EBF1: variants seen among roughly 807,000 people sequenced by gnomAD.
The protein encoded by EBF1 is transcription factor COE1.
A neutral mutation model predicts 68.4 loss-of-function variants in EBF1; 10 were observed. The observed-to-expected ratio is 0.15, with a 90% confidence interval of 0.09 to 0.25. The LOEUF is 0.25. Ranked by LOEUF, EBF1 falls within the 10% of genes least tolerant of loss-of-function variation. The pLI, the probability that EBF1 is intolerant of heterozygous loss-of-function variation, is 1.00. For missense variants in EBF1, 509 were observed against 794.4 expected (o/e 0.64, Z 4.32); for synonymous variants, 298 against 299.8 (o/e 0.99, Z 0.06).
At chr5:158,924,574 C>T (rs953811616) in intron 6 of EBF1, among the ~76,000 whole-genome samples, 1 of 152,164 alleles carries the variant, frequency 6.6e-6, no homozygotes. Context: ...TAAACTGGGC[C>T]GGGTGCGGTG....
intron 6 of EBF1, among the ~76,000 whole-genome samples, chr5:158,854,749 C>T (rs534609889): frequency 6.6e-6 from 1 of 152,314 alleles, no homozygotes; most frequent in South Asian, 2.1e-4. Flanking sequence ...AAGACGCCAT[C>T]AAACCCAGCA....
Position 158,861,856 on chromosome 5 carries a change from T to A in EBF1, c.555-21746A>T, listed in dbSNP as rs551320795. Among the ~76,000 whole-genome samples, 7 of 148,112 alleles carry A rather than the reference T, an allele frequency of 4.7e-5. No individual in the cohort carries two copies. In the South Asian group the frequency reaches 6.4e-4, roughly 14 times the overall value. ...TTGATTTATTGTAAAAAAAAAAAAA[T>A]GTTTAAAATCCAAAATTCATAGATA... On this transcript the variant is annotated intron_variant, in intron 6 of 15. Coordinates refer to ENST00000313708, the MANE Select transcript of EBF1 (RefSeq NM_024007.5).
intron 9 of EBF1, among the ~76,000 whole-genome samples, chr5:158,790,785 A>C (rs1778439894): frequency 6.6e-6 from 1 of 152,212 alleles, no homozygotes; most frequent in African/African-American, 2.4e-5. Context: ...CAGATACCAG[A>C]ATCTGAAGCA....
intron 6 of EBF1, among the ~76,000 whole-genome samples, chr5:158,945,424 G>A (rs566555704): frequency 1.3e-5 from 2 of 152,218 alleles, no homozygotes; most frequent in Admixed American, 1.3e-4. Flanking sequence ...CTGTTCCATT[G>A]GTCTATATAT....
intron 10 of EBF1, among the ~76,000 whole-genome samples, chr5:158,735,968 G>A (rs1765096280): frequency 6.6e-6 from 1 of 152,136 alleles, no homozygotes; most frequent in Non-Finnish European, 1.5e-5. Context: ...AGAAAATCGA[G>A]ATAACACAAC....
At chr5:158,710,846 C>A (rs1759069264) in intron 14 of EBF1, among the ~76,000 whole-genome samples, 1 of 152,198 alleles carries the variant, frequency 6.6e-6, no homozygotes, top group South Asian at 2.1e-4. Flanking sequence ...TAATGGTACA[C>A]CTATCTATCC....
intron 6 of EBF1, among the ~76,000 whole-genome samples, chr5:158,980,922 CATA>C (rs1396187069): frequency 1.3e-5 from 2 of 152,058 alleles, no homozygotes; most frequent in Non-Finnish European, 2.9e-5. Context: ...TAGTAAGTTT[CATA>C]ATAAGGTTAA....
chr5:159,004,605 G>A (rs1274319401), intron 6 of EBF1, among the ~76,000 whole-genome samples: 1 of 152,108 alleles, frequency 6.6e-6, no homozygotes, highest in African/African-American at 2.4e-5. Flanking sequence ...GAGTAGAAAG[G>A]TAGTTATTGC....
At chr5:158,978,008 G>T (rs559126196) in intron 6 of EBF1, among the ~76,000 whole-genome samples, 183 of 152,342 alleles carry the variant, frequency 1.2e-3, no homozygotes, top group African/African-American at 4.2e-3. Flanking sequence ...CACCCACACG[G>T]TCTACCCGTG....
At chr5:158,803,462 A>C (rs1780998660) in intron 8 of EBF1, among the ~76,000 whole-genome samples, 2 of 151,142 alleles carry the variant, frequency 1.3e-5, no homozygotes, top group Non-Finnish European at 2.9e-5. Context: ...GACAGGCAAG[A>C]GGACAAACAG....
At chr5:159,078,950 T>A (rs1779277778) in intron 5 of EBF1, among the ~76,000 whole-genome samples, 1 of 152,174 alleles carries the variant, frequency 6.6e-6, no homozygotes, top group South Asian at 2.1e-4. Context: ...CTTAGGGACA[T>A]GGAACTTTTT....
chr5:158,793,633 G>A lies in EBF1; in HGVS notation c.909+2712C>T, dbSNP rs114757625. On this transcript the variant is annotated intron_variant, in intron 9 of 15. Transcript: ENST00000313708. The stretch of plus-strand genomic sequence containing the variant: ...TAGTCCTATCTGGCTGTGTAACCTT[G>A]GGCAAGCTTTTTAACCTCTCTGAAA... 4.5e-3 allele frequency among the ~76,000 whole-genome samples: 686 copies of A among 152,092 alleles called. 8 individuals carry two copies. The highest frequency in any genetic ancestry group is 0.016 in the African/African-American group (655 of 41,480).
At chr5:158,709,848 C>T (rs985672437) in intron 14 of EBF1, among the ~76,000 whole-genome samples, 3 of 152,102 alleles carry the variant, frequency 2.0e-5, no homozygotes, top group East Asian at 3.8e-4. Flanking sequence ...TTTAAATATT[C>T]GTAGACTTGA....
At chr5:159,021,264 G>A (rs1237773243) in intron 6 of EBF1, among the ~76,000 whole-genome samples, 1 of 152,138 alleles carries the variant, frequency 6.6e-6, no homozygotes, top group Non-Finnish European at 1.5e-5. Flanking sequence ...ACCAACCTTG[G>A]AGGAAGTTCT....
intron 8 of EBF1, among the ~76,000 whole-genome samples, chr5:158,816,526 T>C (rs1442910892): frequency 5.3e-5 from 8 of 152,212 alleles, no homozygotes; most frequent in Non-Finnish European, 1.2e-4. Flanking sequence ...CTGACTTCAC[T>C]CAGTGTGAGC....
chr5:159,022,989 T>G (rs1447401240), intron 6 of EBF1, among the ~76,000 whole-genome samples: 1 of 152,160 alleles, frequency 6.6e-6, no homozygotes, highest in Non-Finnish European at 1.5e-5. Flanking sequence ...ATATTAATAT[T>G]TCCAAATGGC....
chr5:158,699,680 T>A (rs929985634), intron 15 of EBF1, among the ~76,000 whole-genome samples: 2 of 152,350 alleles, frequency 1.3e-5, no homozygotes, highest in Admixed American at 1.3e-4. Context: ...AAATGCCAGC[T>A]ACAGCAGGCC....
intron 6 of EBF1, among the ~76,000 whole-genome samples, chr5:158,860,041 T>A (rs1180038532): frequency 2.6e-5 from 4 of 152,192 alleles, no homozygotes; most frequent in Non-Finnish European, 5.9e-5. Context: ...GGGATCTCCA[T>A]AAAAATAAGA....
chr5:158,900,316 C>T (rs762349917), intron 6 of EBF1, among the ~76,000 whole-genome samples: 4 of 152,148 alleles, frequency 2.6e-5, no homozygotes, highest in Non-Finnish European at 5.9e-5. Flanking sequence ...GGGTGCAAAA[C>T]AAATTATACT....
Sources: allele counts gnomAD v4.1 joint callset (sites outside exome capture counted in the v4.1 genomes callset), GRCh38; gene constraint gnomAD v4.1.1; transcripts MANE v1.5; gene names NCBI Gene and HGNC (gene_info 2026-07-23, HGNC 2026-07-21).